Variants in SDC2 observed in about 807,000 individuals in gnomAD.
The protein encoded by SDC2 is syndecan-2.
SDC2 carries 13 observed loss-of-function variants against 22.2 expected under a neutral mutation model. That is an observed-to-expected ratio of 0.59 (90% CI 0.38 to 0.93). The LOEUF (loss-of-function observed/expected upper bound fraction) is 0.93. SDC2 is among the 40% of genes least tolerant of loss of function. The pLI is 0.00. For missense variants in SDC2, 235 were observed against 246.8 expected, an observed-to-expected ratio of 0.95 and a Z score of 0.32; for synonymous variants, 94 against 92.8, an observed-to-expected ratio of 1.01 and a Z score of -0.07.
intron 1 of SDC2, among the ~76,000 whole-genome samples, chr8:96,561,926 T>C (rs1468112444): frequency 1.3e-5 from 2 of 152,224 alleles, no homozygotes; most frequent in Non-Finnish European, 2.9e-5. Flanking sequence ...TTTCCAAATA[T>C]TTTTTCCTAG....
chr8:96,569,169 G>A (rs149513006), intron 1 of SDC2, among the ~76,000 whole-genome samples: 128 of 152,164 alleles, frequency 8.4e-4, no homozygotes, highest in African/African-American at 2.9e-3. Context: ...CAACACGTCC[G>A]GATAATTTTT....
rs56036305 is a variant in SDC2 at position 96,528,190 on chromosome 8, G to A, written c.60+33859G>A. 5.8e-3 allele frequency among the ~76,000 whole-genome samples: 885 copies of A among 152,036 alleles called. 11 individuals are homozygous for A. Among genetic ancestry groups the A allele is most frequent in the African/African-American group, 0.019 (782 of 41,466 alleles). ...TGACACACCAAAATATCTTTCATAC[G>A]GATTGGATTTAAGTATATATATTTA... is the stretch of plus-strand genomic sequence containing the variant. On this transcript the variant is annotated intron_variant, in intron 1 of 4. Coordinates refer to ENST00000302190, the MANE Select transcript of SDC2 (RefSeq NM_002998.4).
intron 3 of SDC2, among the ~76,000 whole-genome samples, chr8:96,602,999 CCT>C (rs1475177651): frequency 1.3e-5 from 2 of 152,154 alleles, no homozygotes; most frequent in African/African-American, 4.8e-5. Flanking sequence ...TAATCCTTGA[CCT>C]CTCTCGATGA....
chr8:96,543,267 T>G (rs1563655363), intron 1 of SDC2, among the ~76,000 whole-genome samples: 1 of 152,222 alleles, frequency 6.6e-6, no homozygotes, highest in Admixed American at 6.5e-5. Context: ...TACAAATATG[T>G]GTATATATCT....
intron 1 of SDC2, among the ~76,000 whole-genome samples, chr8:96,579,913 G>T (rs1360390258): frequency 6.6e-6 from 1 of 152,080 alleles, no homozygotes; most frequent in Non-Finnish European, 1.5e-5. Flanking sequence ...TAGTTTCTTA[G>T]CATGGGATTG....
At chr8:96,571,109 A>G (rs557283849) in intron 1 of SDC2, among the ~76,000 whole-genome samples, 115 of 152,330 alleles carry the variant, frequency 7.5e-4, no homozygotes, top group African/African-American at 2.7e-3. Flanking sequence ...TATGTGTCAC[A>G]CTTTTAAAAA....
Position 96,593,849 on chromosome 8 carries a change from AG to A in SDC2, c.172+260del, listed in dbSNP as rs1371405470. Among the ~76,000 whole-genome samples, 4 of 152,320 alleles carry A rather than the reference AG, an allele frequency of 2.6e-5. No individual in the cohort carries two copies. The East Asian group carries it at 7.7e-4, about 29-fold the overall frequency. On this transcript the variant is annotated intron_variant, in intron 2 of 4. Transcript: ENST00000302190. Reference sequence around the variant, plus strand: ...TAGTCCTTACCATAGAGTTGTTGTGAGGATTAAAAGGGAGTTGACACATCTA... The same window carrying A: ...TAGTCCTTACCATAGAGTTGTTGTGAGATTAAAAGGGAGTTGACACATCTA...
rs772069532 is a variant in SDC2, at chr8:96,602,491, C to T, written c.269C>T (p.Thr90Met). 8.1e-6 allele frequency: 13 copies of T among 1,614,078 alleles called. No homozygotes were observed. Among genetic ancestry groups the T allele is most frequent in the Admixed American group, 5.0e-5 (3 of 60,004 alleles). The change falls in exon 3 of 5, where the codon ACG becomes ATG. Residue 90 changes from threonine (T) to methionine (M), a missense_variant. Physicochemically the swap from Thr to Met is moderately conservative, Grantham distance 81. Coordinates refer to ENST00000302190, the MANE Select transcript of SDC2 (RefSeq NM_002998.4). ...GCTGCTCCAAAAGTGGAAACCACGA[C>T]GCTGAATATACAGAACAAGATACCT... The part of the protein sequence containing the change: ...TSAAPKVETT[T>M]LNIQNKIPAQ...
At chr8:96,495,824 A>G (rs968774255) in intron 1 of SDC2, among the ~76,000 whole-genome samples, 1 of 152,136 alleles carries the variant, frequency 6.6e-6, no homozygotes, top group African/African-American at 2.4e-5. Flanking sequence ...TAGAATTGGA[A>G]ACTGTACAGA....
rs556259158 is a variant in SDC2 at position 96,611,112 on chromosome 8, G to A, written c.*1564G>A. On this transcript the variant is annotated 3_prime_UTR_variant, in exon 5 of 5. Transcript: ENST00000302190. ...TAATAAATGGACTACAGTAGCTCAC[G>A]TTACAGGGAAGGAGGGTAGGCAGGG... 4.6e-5 allele frequency: 7 copies of A among 152,706 alleles called. No individual in the cohort carries two copies. Among genetic ancestry groups the A allele is most frequent in the African/African-American group, 1.7e-4 (7 of 41,536 alleles). The allele number at this position is 152,706 out of a possible 1,614,324, so 9.5% of individuals were successfully genotyped here. A position where few individuals can be genotyped will look rare whatever the true frequency, so the allele number is the denominator to read the frequency against.
chr8:96,610,620 A>T lies in SDC2; in HGVS notation c.*1072A>T, dbSNP rs1815159750. On this transcript the variant is annotated 3_prime_UTR_variant, in exon 5 of 5. Coordinates refer to ENST00000302190, the MANE Select transcript of SDC2 (RefSeq NM_002998.4). The stretch of plus-strand genomic sequence containing the variant: ...TTGGGAACATAAAAACTACTGAATA[A>T]ATCATGTGGCCTAATATTGAAAATG... 6.6e-6 allele frequency: 1 copy of T among 152,618 alleles called. No individual in the cohort carries two copies. Among genetic ancestry groups the T allele is most frequent in the African/African-American group, 2.4e-5 (1 of 41,440 alleles). 9.5% of individuals were successfully genotyped at this position (152,618 alleles called of 1,614,324 possible).
intron 1 of SDC2, among the ~76,000 whole-genome samples, chr8:96,499,840 G>T (rs1361267882): frequency 1.3e-5 from 2 of 151,800 alleles, no homozygotes; most frequent in African/African-American, 4.8e-5. Context: ...TTCTAAATAG[G>T]TGAATTTTCT....
chr8:96,532,719 G>C (rs906247262), intron 1 of SDC2, among the ~76,000 whole-genome samples: 4 of 152,014 alleles, frequency 2.6e-5, no homozygotes, highest in African/African-American at 7.3e-5. Context: ...GACAGGCTGA[G>C]TGCAGCCCCT....
intron 1 of SDC2, among the ~76,000 whole-genome samples, chr8:96,516,505 G>T (rs1239738099): frequency 3.3e-5 from 5 of 151,656 alleles, no homozygotes; most frequent in African/African-American, 1.2e-4. Flanking sequence ...GTGCAACAGT[G>T]ACCACAATCT....
intron 1 of SDC2, among the ~76,000 whole-genome samples, chr8:96,541,431 C>T (rs1228652986): frequency 8.0e-5 from 12 of 149,452 alleles, no homozygotes; most frequent in African/African-American, 3.0e-4. Flanking sequence ...CCCTTGAACC[C>T]GGGAGGCGGA....
chr8:96,555,953 A>G (rs1020991946), intron 1 of SDC2, among the ~76,000 whole-genome samples: 1 of 152,172 alleles, frequency 6.6e-6, no homozygotes, highest in Non-Finnish European at 1.5e-5. Context: ...GTACCTTGTT[A>G]AACTCAGTGA....
chr8:96,526,662 T>G (rs1281197354), intron 1 of SDC2, among the ~76,000 whole-genome samples: 1 of 130,336 alleles, frequency 7.7e-6, no homozygotes, highest in Non-Finnish European at 1.5e-5. Flanking sequence ...AGGCCTTTGG[T>G]TTTTTTTTTT....
intron 2 of SDC2, among the ~76,000 whole-genome samples, chr8:96,600,084 G>A (rs1276305726): frequency 2.0e-5 from 3 of 152,068 alleles, no homozygotes; most frequent in East Asian, 1.9e-4. Flanking sequence ...GCTTGAGCCC[G>A]CAAGTTTGAA....
intron 1 of SDC2, among the ~76,000 whole-genome samples, chr8:96,553,448 AG>A (rs2130542880): frequency 1.2e-5 from 1 of 84,130 alleles, no homozygotes; most frequent in African/African-American, 3.4e-5. Context: ...AGAAAATTAC[AG>A]GTTTTTTTTT....
Sources: allele counts gnomAD v4.1 joint callset (sites outside exome capture counted in the v4.1 genomes callset), GRCh38; gene constraint gnomAD v4.1.1; transcripts MANE v1.5; gene names NCBI Gene and HGNC (gene_info 2026-07-23, HGNC 2026-07-21).